Variants in LMBR1 observed in about 807,000 individuals in gnomAD.
LMBR1 encodes limb development membrane protein 1.
Under a neutral mutation model 73.9 loss-of-function variants are expected in LMBR1, and 52 were observed. That is an observed-to-expected ratio of 0.70 (90% CI 0.56 to 0.89). The LOEUF (loss-of-function observed/expected upper bound fraction) is 0.89, where lower values mean the gene tolerates loss of function less well. LMBR1 is among the 40% of genes least tolerant of loss of function. LMBR1 has a pLI of 0.00. For synonymous variants in LMBR1, 215 were observed against 209.4 expected, an observed-to-expected ratio of 1.03 and a Z score of -0.23; for missense variants, 539 against 579.8, an observed-to-expected ratio of 0.93 and a Z score of 0.72.
intron 4 of LMBR1, among the ~76,000 whole-genome samples, chr7:156,808,900 C>A (rs994520665): frequency 1.1e-4 from 17 of 152,132 alleles, no homozygotes; most frequent in African/African-American, 3.9e-4. Flanking sequence ...TAACACTTCA[C>A]GTAGAGCATG....
At chr7:156,858,555 A>T (rs765092691) in intron 1 of LMBR1, among the ~76,000 whole-genome samples, 2 of 152,200 alleles carry the variant, frequency 1.3e-5, no homozygotes, top group Non-Finnish European at 2.9e-5. Context: ...TTTCTAACAC[A>T]CTATATGAGG....
chr7:156,733,123 C>T (rs1029381793), intron 10 of LMBR1, among the ~76,000 whole-genome samples: 7 of 151,924 alleles, frequency 4.6e-5, no homozygotes, highest in African/African-American at 7.3e-5. Flanking sequence ...CTAGCCTGGG[C>T]GACAGAGTGA....
intron 15 of LMBR1, 96 bp downstream of exon 15, chr7:156,724,016 C>T (rs1815178215): frequency 1.2e-6 from 1 of 840,716 alleles, no homozygotes; most frequent in Non-Finnish European, 1.9e-6. Flanking sequence ...CACTGTATTT[C>T]AAAGGTAATC....
chr7:156,727,617 G>A lies in LMBR1; in HGVS notation c.993+313C>T, dbSNP rs1280096358. Among the ~76,000 whole-genome samples the A allele has an allele frequency of 1.3e-5, 2 of 152,056 alleles. 1 individual carries two copies. The highest frequency in any genetic ancestry group is 1.3e-4 in the Admixed American group (2 of 15,268). On this transcript the variant is annotated intron_variant, in intron 12 of 16. Transcript: ENST00000353442. ...GGTCCTGGAAAGACTCAGGTGGGGG[G>A]ATCTGAATCAAGACTATGGCTAAAG...
At chr7:156,833,848 T>C in intron 2 of LMBR1, 56 bp from the exon 3 acceptor site, 1 of 1,123,344 alleles carries the variant, frequency 8.9e-7, no homozygotes, top group South Asian at 1.4e-5. Flanking sequence ...AATGCGTCAT[T>C]AATTTATTAA....
At chr7:156,823,108 T>C (rs1346529568) in intron 4 of LMBR1, 1 of 151,424 alleles carries the variant, frequency 6.6e-6, no homozygotes, top group Non-Finnish European at 1.5e-5. Flanking sequence ...CAACACTTCA[T>C]CTCAAAAAAA....
At chr7:156,773,231 ATGGAT>A (rs1825533671) in intron 5 of LMBR1, among the ~76,000 whole-genome samples, 1 of 151,870 alleles carries the variant, frequency 6.6e-6, no homozygotes, top group South Asian at 2.1e-4. Flanking sequence ...TTCCATGTTC[ATGGAT>A]AGGAAGAATC....
At chr7:156,832,994 G>A (rs1182268163) in intron 3 of LMBR1, among the ~76,000 whole-genome samples, 2 of 152,148 alleles carry the variant, frequency 1.3e-5, no homozygotes, top group African/African-American at 4.8e-5. Context: ...TGGTACCGCT[G>A]TCTATGCTAA....
chr7:156,828,590 A>G (rs1457935057), intron 3 of LMBR1, among the ~76,000 whole-genome samples: 1 of 152,202 alleles, frequency 6.6e-6, no homozygotes, highest in East Asian at 1.9e-4. Flanking sequence ...CTAGTCACTG[A>G]ATATAACTAG....
chr7:156,859,840 A>G (rs571948627), intron 1 of LMBR1, among the ~76,000 whole-genome samples: 1 of 152,346 alleles, frequency 6.6e-6, no homozygotes, highest in South Asian at 2.1e-4. Context: ...AGAATAGGTG[A>G]CACAATACTG....
At chr7:156,819,058 A>ACTCCAATG (rs1834358525) in intron 4 of LMBR1, among the ~76,000 whole-genome samples, 1 of 152,068 alleles carries the variant, frequency 6.6e-6, no homozygotes, top group South Asian at 2.1e-4. Context: ...AGGTCTCCTA[A>ACTCCAATG]CTCCAATGCT....
At chr7:156,770,046 CAAT>C (rs1455297993) in intron 5 of LMBR1, among the ~76,000 whole-genome samples, 2 of 152,114 alleles carry the variant, frequency 1.3e-5, no homozygotes, top group Non-Finnish European at 2.9e-5. Flanking sequence ...AAAATATTAA[CAAT>C]GATACACAGA....
At position 156,874,761 on chromosome 7, in the gene LMBR1, G is replaced by A. The variant is rs537012142; in HGVS notation, c.66+18167C>T. ...GAAAAAGGGGGAGAGTACTACATCT[G>A]TGGAACACCCCGGGAGACAAAAGAA... On this transcript the variant is annotated intron_variant, in intron 1 of 16. Transcript: ENST00000353442. Among the ~76,000 whole-genome samples, 36 of 152,350 alleles carry A rather than the reference G, an allele frequency of 2.4e-4. No homozygotes were observed. The East Asian group carries it at 6.4e-3, about 27-fold the overall frequency.
chr7:156,706,106 CAGG>C (rs1298786759), intron 15 of LMBR1, among the ~76,000 whole-genome samples: 1 of 150,898 alleles, frequency 6.6e-6, no homozygotes, highest in East Asian at 1.9e-4. Context: ...CAAACAAGAC[CAGG>C]AGTAGTTATA....
rs1212852649 is a variant in LMBR1, at chr7:156,705,906, T to C, written c.1226-17715A>G. 2.6e-5 allele frequency among the ~76,000 whole-genome samples: 4 copies of C among 151,910 alleles called. No individual in the cohort carries two copies. The East Asian group carries it at 7.7e-4, about 29-fold the overall frequency. ...AAAACTAGAAAACAATGAAAAAATATGACAGGAACAAAACCTCACATATCA... is the reference window on the plus strand; with the variant it reads ...AAAACTAGAAAACAATGAAAAAATACGACAGGAACAAAACCTCACATATCA... On this transcript the variant is annotated intron_variant, in intron 15 of 16. Coordinates refer to ENST00000353442, the MANE Select transcript of LMBR1 (RefSeq NM_022458.4).
chr7:156,677,527 C>T (rs917682147), downstream of LMBR1, among the ~76,000 whole-genome samples: 2 of 152,076 alleles, frequency 1.3e-5, no homozygotes, highest in Admixed American at 6.6e-5. Context: ...TTGGGAGTGG[C>T]GCTCATCACT....
chr7:156,858,559 T>C (rs1336431050), intron 1 of LMBR1, among the ~76,000 whole-genome samples: 4 of 152,196 alleles, frequency 2.6e-5, no homozygotes, highest in African/African-American at 9.7e-5. Flanking sequence ...TAACACACTA[T>C]ATGAGGTCAA....
rs551709765 is a variant in LMBR1, at chr7:156,772,187, TC to T, written c.424-8393del. 2.0e-4 allele frequency among the ~76,000 whole-genome samples: 30 copies of T among 152,212 alleles called. No individual in the cohort carries two copies. The East Asian group carries it at 5.6e-3, about 29-fold the overall frequency. ...TACTCAGAAGGCTGAGGCAGGAGAA[TC>T]ACTTGAACCTGGGAGGCAGAGGTTG... On this transcript the variant is annotated intron_variant, in intron 5 of 16. Coordinates refer to ENST00000353442, the MANE Select transcript of LMBR1 (RefSeq NM_022458.4).
chr7:156,733,951 G>C (rs10224728), intron 10 of LMBR1: 107 of 339,574 alleles, frequency 3.2e-4, no homozygotes, highest in African/African-American at 1.9e-3. Context: ...CTTTGAACCT[G>C]TGAACCTTTG....
Sources: allele counts gnomAD v4.1 joint callset (sites outside exome capture counted in the v4.1 genomes callset), GRCh38; gene constraint gnomAD v4.1.1; transcripts MANE v1.5; gene names NCBI Gene and HGNC (gene_info 2026-07-23, HGNC 2026-07-21).